SLC18A1: variants seen among roughly 807,000 people sequenced by gnomAD.
SLC18A1 encodes the protein chromaffin granule amine transporter.
Under a neutral mutation model 53.7 loss-of-function variants are expected in SLC18A1, and 69 were observed. The observed-to-expected ratio is 1.28, with a 90% confidence interval of 1.06 to 1.57. The LOEUF is 1.57. Ranked by LOEUF, SLC18A1 falls within the 40% of genes most tolerant of loss-of-function variation. The probability of loss-of-function intolerance (pLI) is 0.00; values close to 1 mark genes in which losing one functional copy is unlikely to be tolerated. For synonymous variants in SLC18A1, 320 were observed against 248.1 expected (o/e 1.29, Z -2.72); for missense variants, 932 against 668.1 (o/e 1.40, Z -4.35).
intron 10 of SLC18A1, among the ~76,000 whole-genome samples, chr8:20,153,596 T>G (rs1163990341): frequency 6.6e-6 from 1 of 151,540 alleles, no homozygotes; most frequent in East Asian, 1.9e-4. Context: ...GAGAATGGCA[T>G]GAACCTGAGA....
chr8:20,151,581 G>A (rs2071555305), intron 10 of SLC18A1, among the ~76,000 whole-genome samples: 1 of 152,134 alleles, frequency 6.6e-6, no homozygotes, highest in Non-Finnish European at 1.5e-5. Context: ...TATCATACCG[G>A]GTTACAATGT....
At position 20,145,865 on chromosome 8, in the gene SLC18A1, A is replaced by T. The variant is rs148558341; in HGVS notation, c.1476T>A (p.Ser492Arg). The change falls in exon 16 of 16, where the codon AGT becomes AGA. Residue 492 changes from serine (S) to arginine (R), a missense_variant. Coordinates refer to ENST00000276373, the MANE Select transcript of SLC18A1 (RefSeq NM_003053.4). ...TCCGGGTCTCCATGGGGCAGTCCTG[A>T]CTCAGAATAGCCTGCAGAGAGAGGC... ...PAKEEKLAILSQDCPMETRMY... is the reference protein window; with the variant it reads ...PAKEEKLAILRQDCPMETRMY... 1.2e-5 allele frequency: 20 copies of T among 1,603,012 alleles called. No homozygotes were observed. In the East Asian group the frequency reaches 1.3e-4, roughly 11 times the overall value.
In SLC18A1 at chr8:20,160,359, A is replaced by G. The variant is rs116059469; in HGVS notation, c.1015+4510T>C. On this transcript the variant is annotated intron_variant, in intron 10 of 15. Transcript: ENST00000276373. ...AATTTCCTTAATTAGATTTTTCTCA[A>G]TCCACGTTGCTCGTTCTTTAGGACC... 6.8e-3 allele frequency among the ~76,000 whole-genome samples: 1,025 copies of G among 150,726 alleles called. 15 individuals are homozygous for G. The highest frequency in any genetic ancestry group is 0.024 in the African/African-American group (978 of 40,886).
intron 10 of SLC18A1, among the ~76,000 whole-genome samples, chr8:20,163,139 G>C (rs1160360702): frequency 2.0e-5 from 3 of 152,134 alleles, no homozygotes; most frequent in African/African-American, 7.2e-5. Flanking sequence ...GTGCCTGGTT[G>C]CTGGATCATA....
chr8:20,160,808 T>C, intron 10 of SLC18A1, among the ~76,000 whole-genome samples: 1 of 152,162 alleles, frequency 6.6e-6, no homozygotes, highest in South Asian at 2.1e-4. Flanking sequence ...CAGCATCTGC[T>C]TGGCCATCTG....
At chr8:20,177,530 C>A (rs1023756424) in intron 4 of SLC18A1, among the ~76,000 whole-genome samples, 3 of 152,224 alleles carry the variant, frequency 2.0e-5, no homozygotes, top group African/African-American at 7.2e-5. Context: ...AGGAGATATA[C>A]CTAATGTAAA....
At chr8:20,166,276 G>GGTGTGTGTGT (rs141519804) in intron 8 of SLC18A1, among the ~76,000 whole-genome samples, 1 of 60,754 alleles carries the variant, frequency 1.6e-5, no homozygotes, top group African/African-American at 6.0e-5. Flanking sequence ...ATTGTGTGTG[G>GGTGTGTGTGT]GTGTGTGTGT....
chr8:20,152,450 G>A (rs1367030819), intron 10 of SLC18A1, among the ~76,000 whole-genome samples: 1 of 152,206 alleles, frequency 6.6e-6, no homozygotes, highest in Non-Finnish European at 1.5e-5. Context: ...TGAACAAAAT[G>A]GTAGGTTTTG....
chr8:20,156,415 G>T (rs956798427), intron 10 of SLC18A1, among the ~76,000 whole-genome samples: 1 of 151,934 alleles, frequency 6.6e-6, no homozygotes, highest in Non-Finnish European at 1.5e-5. Flanking sequence ...ACCATACGAA[G>T]GTCTGACCAG....
In SLC18A1 at chr8:20,180,983, G is replaced by T. The variant is rs748333533; in HGVS notation, c.-19C>A. On this transcript the variant is annotated 5_prime_UTR_variant, in exon 2 of 16. Coordinates refer to ENST00000276373, the MANE Select transcript of SLC18A1 (RefSeq NM_003053.4). ...GGAGCATGGTGATGGCCGGACTGGG[G>T]CAGTCTTCCCCTGCGGGCTCTTAGG... The T allele has an allele frequency of 3.2e-6, 5 of 1,559,768 alleles. No homozygotes were observed. In the East Asian group the frequency reaches 7.2e-5, roughly 23 times the overall value.
At chr8:20,177,660 GA>G (rs1259826519) in intron 4 of SLC18A1, among the ~76,000 whole-genome samples, 4 of 152,120 alleles carry the variant, frequency 2.6e-5, no homozygotes, top group Non-Finnish European at 4.4e-5. Flanking sequence ...GAAAAGAAAA[GA>G]AAAACGCGAG....
chr8:20,153,672 A>T (rs567436764), intron 10 of SLC18A1, among the ~76,000 whole-genome samples: 1 of 152,082 alleles, frequency 6.6e-6, no homozygotes, highest in African/African-American at 2.4e-5. Flanking sequence ...GTCTCAAAAA[A>T]AAAAAGAAAG....
At chr8:20,169,657 T>C (rs2072060473) in intron 8 of SLC18A1, among the ~76,000 whole-genome samples, 2 of 152,120 alleles carry the variant, frequency 1.3e-5, no homozygotes, top group South Asian at 4.1e-4. Flanking sequence ...GGCGGATGGA[T>C]CACTTGAGCT....
Position 20,178,471 on chromosome 8 carries a change from A to T in SLC18A1, c.511T>A (p.Phe171Ile). 6.2e-7 allele frequency: 1 copy of T among 1,611,182 alleles called. No individual in the cohort carries two copies. The highest frequency in any genetic ancestry group is 1.1e-5 in the South Asian group (1 of 90,144). ...TNRIGYHIPM[F>I]AGFVIMFLST... ...AGAAACATGATAACAAAGCCAGCAA[A>T]CATGGGGATATGATATCCAATCCTA... The change falls in exon 4 of 16, where the codon TTT becomes ATT. Residue 171 changes from phenylalanine (F) to isoleucine (I), a missense_variant. Physicochemically the swap from Phe to Ile is conservative, Grantham distance 21. Coordinates refer to ENST00000276373, the MANE Select transcript of SLC18A1 (RefSeq NM_003053.4).
chr8:20,179,005 C>G, intron 3 of SLC18A1, 116 bp downstream of exon 3: 1 of 1,265,612 alleles, frequency 7.9e-7, no homozygotes, highest in Non-Finnish European at 1.1e-6. Flanking sequence ...TAGCTGACTC[C>G]CCTGAGGAAT....
chr8:20,159,224 C>G (rs1162875845), intron 10 of SLC18A1, among the ~76,000 whole-genome samples: 1 of 152,136 alleles, frequency 6.6e-6, no homozygotes, highest in African/African-American at 2.4e-5. Flanking sequence ...CTACTATGCC[C>G]CAGTTCGGCA....
chr8:20,172,910 T>C, intron 6 of SLC18A1, 126 bp downstream of exon 6: 1 of 694,746 alleles, frequency 1.4e-6, no homozygotes. Flanking sequence ...CAGTGATATT[T>C]CTAAAGGAGT....
In SLC18A1 at chr8:20,178,467, G is replaced by T; in HGVS notation, c.515C>A (p.Ala172Asp). ...GGAGAGAAACATGATAACAAAGCCA[G>T]CAAACATGGGGATATGATATCCAAT... is the stretch of plus-strand genomic sequence containing the variant. The part of the protein sequence containing the change: ...NRIGYHIPMF[A>D]GFVIMFLSTV... Residue 172 changes from alanine to aspartate, a missense_variant, in exon 4 of 16, where the codon GCT becomes GAT. Ala to Asp is a moderately radical substitution (Grantham distance 126). Coordinates refer to ENST00000276373, the MANE Select transcript of SLC18A1 (RefSeq NM_003053.4). 1 of 1,607,834 alleles carries T rather than the reference G, an allele frequency of 6.2e-7. No homozygotes were observed. The highest frequency in any genetic ancestry group is 8.5e-7 in the Non-Finnish European group (1 of 1,177,270).
In SLC18A1 at chr8:20,150,750, G is replaced by A. The variant is rs1313774801; in HGVS notation, c.1016-6C>T. The stretch of plus-strand genomic sequence containing the variant: ...GGCAGGCAAGAAAGCTAGACCTGTG[G>A]AAGGACACAGATCCTTACCTTAGGA... On this transcript the variant is annotated splice_region_variant and splice_polypyrimidine_tract_variant and intron_variant, in intron 10 of 15. Coordinates refer to ENST00000276373, the MANE Select transcript of SLC18A1 (RefSeq NM_003053.4). 1 of 1,612,584 alleles carries A rather than the reference G, an allele frequency of 6.2e-7. No homozygotes were observed. Among genetic ancestry groups the A allele is most frequent in the Non-Finnish European group, 8.5e-7 (1 of 1,178,712 alleles).
Sources: allele counts gnomAD v4.1 joint callset (sites outside exome capture counted in the v4.1 genomes callset), GRCh38; gene constraint gnomAD v4.1.1; transcripts MANE v1.5; gene names NCBI Gene and HGNC (gene_info 2026-07-23, HGNC 2026-07-21).